PCDHGB4: variants seen among roughly 807,000 people sequenced by gnomAD.
The protein encoded by PCDHGB4 is protocadherin gamma subfamily B, 4, also known as protocadherin gamma-B4.
Under a neutral mutation model 60.5 loss-of-function variants are expected in PCDHGB4, and 38 were observed. The ratio of observed to expected loss-of-function variants is 0.63; its 90% confidence interval spans 0.48 to 0.82. The LOEUF is 0.82. Ranked by LOEUF, PCDHGB4 falls within the 40% of genes least tolerant of loss-of-function variation. PCDHGB4 has a pLI of 0.00. For synonymous variants in PCDHGB4, 456 were observed against 509.7 expected (o/e 0.89, Z 1.42); for missense variants, 1,109 against 1,209.6 (o/e 0.92, Z 1.23).
intron 1 of PCDHGB4, chr5:141,421,916 G>A (rs754653877): frequency 2.5e-6 from 4 of 1,613,646 alleles, no homozygotes; most frequent in Non-Finnish European, 2.5e-6. Flanking sequence ...GTTCCCATTC[G>A]TGTGGTGGTC....
At chr5:141,412,084 G>C (rs1199665555) in intron 1 of PCDHGB4, 1 of 152,170 alleles carries the variant, frequency 6.6e-6, no homozygotes, top group East Asian at 1.9e-4. Flanking sequence ...ATTGCTACTG[G>C]GTTGATGGGC....
intron 1 of PCDHGB4, among the ~76,000 whole-genome samples, chr5:141,469,345 G>A (rs2099197832): frequency 6.6e-6 from 1 of 152,128 alleles, no homozygotes; most frequent in Non-Finnish European, 1.5e-5. Context: ...GGGAGGCTGA[G>A]GTGGATGGAT....
chr5:141,507,816 TG>T (rs1478957063), intron 3 of PCDHGB4, among the ~76,000 whole-genome samples: 1 of 152,130 alleles, frequency 6.6e-6, no homozygotes, highest in African/African-American at 2.4e-5. Flanking sequence ...GAACGGACCC[TG>T]GGGGTGGAGG....
rs368155258 is a variant in PCDHGB4 at position 141,394,236 on chromosome 5, A to T, written c.2397+3955A>T. 3.1e-5 allele frequency: 50 copies of T among 1,613,818 alleles called. No individual in the cohort carries two copies. The highest frequency in any genetic ancestry group is 3.9e-5 in the Non-Finnish European group (46 of 1,179,848). On this transcript the variant is annotated intron_variant, in intron 1 of 3. Transcript: ENST00000519479. ...GAGAGGAGCCTCCATCTTTTCCTTG[A>T]CTGCACACGACCCCGACAGCCAGGA...
intron 1 of PCDHGB4, chr5:141,413,345 G>A (rs2095628318): frequency 8.7e-6 from 14 of 1,613,996 alleles, no homozygotes; most frequent in Non-Finnish European, 1.0e-5. Flanking sequence ...AAGGACTTGG[G>A]TCTGGCGCCC....
In PCDHGB4 at chr5:141,447,157, T is replaced by A. The variant is rs569196292; in HGVS notation, c.2398-47650T>A. On this transcript the variant is annotated intron_variant, in intron 1 of 3. Transcript: ENST00000519479. The stretch of plus-strand genomic sequence containing the variant: ...TTTGTTTTTTGTTTTTGTTTTTGTT[T>A]AAGCGGGGTCTTGCTCTTGTCGCGC... Among the ~76,000 whole-genome samples the A allele has an allele frequency of 4.1e-4, 62 of 152,254 alleles. No homozygotes were observed. The South Asian group carries it at 0.013, about 31-fold the overall frequency.
Position 141,477,099 on chromosome 5 carries a change from G to C in PCDHGB4, c.2398-17708G>C. On this transcript the variant is annotated intron_variant, in intron 1 of 3. Transcript: ENST00000519479. This position sits in a 1 kb window ranked among gnomAD's most constrained non-coding sequence, Gnocchi z 4.9. ...ATTTACATCCAGGCCAAAGACAAGG[G>C]CGCCAATCCCGAAGGAGCACATTGC... 6.2e-7 allele frequency: 1 copy of C among 1,614,256 alleles called. No individual in the cohort carries two copies. Among genetic ancestry groups the C allele is most frequent in the Non-Finnish European group, 8.5e-7 (1 of 1,180,054 alleles).
intron 1 of PCDHGB4, chr5:141,475,845 G>C: frequency 4.5e-6 from 2 of 448,002 alleles, no homozygotes; most frequent in Non-Finnish European, 7.9e-6. Context: ...TGCTCAGAGA[G>C]CCCGGCGCTA....
intron 1 of PCDHGB4, chr5:141,411,225 GC>G (rs1253575140): frequency 1.3e-5 from 2 of 152,092 alleles, no homozygotes; most frequent in African/African-American, 4.8e-5. Flanking sequence ...ATTCAAATTT[GC>G]GAAGACTTAG....
At chr5:141,403,267 C>A in intron 1 of PCDHGB4, 1 of 1,613,888 alleles carries the variant, frequency 6.2e-7, no homozygotes, top group Non-Finnish European at 8.5e-7. Context: ...GTCTGGTGAA[C>A]TTTAAAGTCC....
intron 1 of PCDHGB4, chr5:141,430,592 C>A (rs2097296542): frequency 1.8e-6 from 1 of 544,568 alleles, no homozygotes; most frequent in Non-Finnish European, 2.9e-6. Flanking sequence ...TCGCCTTGCA[C>A]GCGCCTGAAG....
At chr5:141,505,993 T>TGCGA (rs2099849805) in intron 3 of PCDHGB4, among the ~76,000 whole-genome samples, 1 of 152,188 alleles carries the variant, frequency 6.6e-6, no homozygotes, top group African/African-American at 2.4e-5. Context: ...CTCCTCTTTA[T>TGCGA]GCGAGGCTCC....
chr5:141,418,248 C>T (rs372067603), intron 1 of PCDHGB4: 7 of 1,613,882 alleles, frequency 4.3e-6, no homozygotes, highest in African/African-American at 1.3e-5. Flanking sequence ...AATGACCACG[C>T]CCCTCAATTC....
chr5:141,387,740 C>T lies in PCDHGB4; in HGVS notation c.-145C>T, dbSNP rs952205441. The T allele has an allele frequency of 3.8e-6, 5 of 1,328,736 alleles. No individual in the cohort carries two copies. In the African/African-American group the frequency reaches 5.9e-5, roughly 16 times the overall value. The allele number at this position is 1,328,736 out of a possible 1,614,324, so 82.3% of individuals were successfully genotyped here. ...GACTCCCCAGCGCCAGCCTTTACAC[C>T]GCTTCCTCCTCGGAAAAAGAAGAAT... On this transcript the variant is annotated 5_prime_UTR_variant, in exon 1 of 4. Coordinates refer to ENST00000519479, the MANE Select transcript of PCDHGB4 (RefSeq NM_003736.4).
intron 1 of PCDHGB4, among the ~76,000 whole-genome samples, chr5:141,482,605 C>T (rs2099569133): frequency 6.7e-6 from 1 of 150,032 alleles, no homozygotes; most frequent in Admixed American, 6.6e-5. Flanking sequence ...GAAAAAACAC[C>T]TAAATGAGCC....
At chr5:141,394,109 G>A (rs764779834) in intron 1 of PCDHGB4, 3 of 1,613,898 alleles carry the variant, frequency 1.9e-6, no homozygotes, top group East Asian at 4.5e-5. Flanking sequence ...CACCACCTCT[G>A]TCCACTGAAA....
At chr5:141,465,779 G>GTT (rs879859429) in intron 1 of PCDHGB4, among the ~76,000 whole-genome samples, 3 of 145,118 alleles carry the variant, frequency 2.1e-5, no homozygotes, top group Non-Finnish European at 3.0e-5. Context: ...TCTTGTTACA[G>GTT]TTTTTTTTTT....
chr5:141,504,461 C>T (rs1485490028), intron 2 of PCDHGB4, among the ~76,000 whole-genome samples: 1 of 151,900 alleles, frequency 6.6e-6, no homozygotes, highest in Non-Finnish European at 1.5e-5. Flanking sequence ...GTGGGGCAGC[C>T]GCTGGGATGG....
In PCDHGB4 at chr5:141,462,417, A is replaced by G. The variant is rs184240612; in HGVS notation, c.2398-32390A>G. 4.0e-4 allele frequency among the ~76,000 whole-genome samples: 61 copies of G among 152,300 alleles called. 1 individual carries two copies. The highest frequency in any genetic ancestry group is 3.2e-3 in the Admixed American group (49 of 15,300). ...TCTTTTATGGCACAGAATATGGTCT[A>G]TCTTGGTGAGTGTTGCTTACACACA... On this transcript the variant is annotated intron_variant, in intron 1 of 3. Transcript: ENST00000519479.
Sources: allele counts gnomAD v4.1 joint callset (sites outside exome capture counted in the v4.1 genomes callset), GRCh38; gene constraint gnomAD v4.1.1; non-coding constraint Gnocchi (gnomAD v3.1); transcripts MANE v1.5; gene names NCBI Gene and HGNC (gene_info 2026-07-23, HGNC 2026-07-21).